ITGB5: variants seen among roughly 807,000 people sequenced by gnomAD.
The protein encoded by ITGB5 is integrin subunit beta 5.
ITGB5 carries 38 observed loss-of-function variants against 84.8 expected under a neutral mutation model. That is an observed-to-expected ratio of 0.45 (90% CI 0.35 to 0.59). The LOEUF (loss-of-function observed/expected upper bound fraction) is 0.59. Ranked by LOEUF, ITGB5 falls within the 20% of genes least tolerant of loss-of-function variation. The probability of loss-of-function intolerance (pLI) is 0.01; values close to 1 mark genes in which losing one functional copy is unlikely to be tolerated. For synonymous variants in ITGB5, 393 were observed against 414.4 expected, an observed-to-expected ratio of 0.95 and a Z score of 0.63; for missense variants, 905 against 1,034.5, an observed-to-expected ratio of 0.87 and a Z score of 1.72.
intron 5 of ITGB5, among the ~76,000 whole-genome samples, chr3:124,829,994 A>C (rs1460320087): frequency 6.6e-6 from 1 of 152,220 alleles, no homozygotes; most frequent in Non-Finnish European, 1.5e-5. Context: ...TGAGAAAATT[A>C]ACAAAAATGG....
At position 124,796,687 on chromosome 3, in the gene ITGB5, C is replaced by T. The variant is rs1237434635; in HGVS notation, c.1394G>A (p.Cys465Tyr). ...GCTGTTGGGTTCCAGCCCCACGCTG[C>T]AGCCGCACGTGCAGTTGTAGGTGAC... ...VGVTYNCTCG[C>Y]SVGLEPNSAR... is the part of the protein sequence containing the mutation. The change falls in exon 10 of 15, where the codon TGC becomes TAC. Residue 465 changes from cysteine (C) to tyrosine (Y), a missense_variant. Cys to Tyr is a radical substitution (Grantham distance 194). Coordinates refer to ENST00000296181, the MANE Select transcript of ITGB5 (RefSeq NM_002213.5). The T allele has an allele frequency of 6.2e-7, 1 of 1,614,082 alleles. No homozygotes were observed. The highest frequency in any genetic ancestry group is 8.5e-7 in the Non-Finnish European group (1 of 1,180,030).
chr3:124,876,839 G>C (rs575462745), intron 1 of ITGB5, among the ~76,000 whole-genome samples: 6 of 152,186 alleles, frequency 3.9e-5, no homozygotes, highest in Non-Finnish European at 7.3e-5. Context: ...AAATGTGGAC[G>C]AAGAAGGTCT....
At chr3:124,811,971 T>TA (rs1288354393) in intron 8 of ITGB5, among the ~76,000 whole-genome samples, 1 of 151,920 alleles carries the variant, frequency 6.6e-6, no homozygotes, top group Non-Finnish European at 1.5e-5. Context: ...ACAGATAAGG[T>TA]AAAAAACAAA....
chr3:124,819,278 A>G (rs2064660180), intron 7 of ITGB5, among the ~76,000 whole-genome samples: 2 of 152,188 alleles, frequency 1.3e-5, no homozygotes, highest in Non-Finnish European at 2.9e-5. Context: ...GTATTCACTC[A>G]GGACATTTAT....
chr3:124,894,907 T>C (rs952140601), intron 1 of ITGB5, among the ~76,000 whole-genome samples: 1 of 151,978 alleles, frequency 6.6e-6, no homozygotes, highest in South Asian at 2.1e-4. Flanking sequence ...ATACGAACGA[T>C]AGCTGATGAG....
At chr3:124,855,444 T>C (rs573091089) in intron 3 of ITGB5, among the ~76,000 whole-genome samples, 1 of 152,304 alleles carries the variant, frequency 6.6e-6, no homozygotes, top group Non-Finnish European at 1.5e-5. Flanking sequence ...CCACATACCA[T>C]TTTTCTCTCC....
intron 2 of ITGB5, among the ~76,000 whole-genome samples, chr3:124,864,025 A>G (rs1278305856): frequency 1.5e-5 from 2 of 135,064 alleles, no homozygotes; most frequent in Admixed American, 7.8e-5. Flanking sequence ...AAGAAAGAAG[A>G]AAGAAAGAAA....
intron 10 of ITGB5, among the ~76,000 whole-genome samples, chr3:124,790,599 T>C (rs957323088): frequency 2.0e-5 from 3 of 152,246 alleles, no homozygotes; most frequent in African/African-American, 4.8e-5. Context: ...GACAGGGTTA[T>C]CAGAACTTTG....
chr3:124,876,881 C>G (rs1448476611), intron 1 of ITGB5, among the ~76,000 whole-genome samples: 1 of 152,218 alleles, frequency 6.6e-6, no homozygotes, highest in Non-Finnish European at 1.5e-5. Flanking sequence ...GCTGGACCTG[C>G]CTGTGTATGT....
At position 124,762,219 on chromosome 3, in the gene ITGB5, G is replaced by A. The variant is rs2063706442; in HGVS notation, c.*1404C>T. ...AATGAAGTAAGGGGAATTGGGTCCAGAGCTGAGGACAGATCCATTTGGAAT... is the reference window on the plus strand; with the variant it reads ...AATGAAGTAAGGGGAATTGGGTCCAAAGCTGAGGACAGATCCATTTGGAAT... On this transcript the variant is annotated 3_prime_UTR_variant, in exon 15 of 15. Coordinates refer to ENST00000296181, the MANE Select transcript of ITGB5 (RefSeq NM_002213.5). The A allele has an allele frequency of 6.6e-6, 1 of 152,206 alleles. No individual in the cohort carries two copies. The highest frequency in any genetic ancestry group is 2.4e-5 in the African/African-American group (1 of 41,448). 9.4% of individuals were successfully genotyped at this position (152,206 alleles called of 1,614,324 possible).
intron 2 of ITGB5, chr3:124,862,950 C>A (rs2107623298): frequency 6.6e-6 from 1 of 152,272 alleles, no homozygotes; most frequent in East Asian, 1.9e-4. Context: ...AAGCACAGAC[C>A]AAGTCAGCAA....
intron 4 of ITGB5, among the ~76,000 whole-genome samples, chr3:124,846,934 CA>C (rs914831603): frequency 6.0e-5 from 9 of 150,360 alleles, no homozygotes; most frequent in East Asian, 1.9e-4. Flanking sequence ...GACTCCGTCT[CA>C]AAAAAAAATG....
chr3:124,857,246 T>C (rs542130680), intron 3 of ITGB5: 38 of 152,334 alleles, frequency 2.5e-4, no homozygotes, highest in Non-Finnish European at 4.6e-4. Context: ...TGCAGCACTG[T>C]GTTAATCCAT....
intron 2 of ITGB5, among the ~76,000 whole-genome samples, chr3:124,866,961 G>T (rs1290924835): frequency 6.6e-6 from 1 of 152,194 alleles, no homozygotes; most frequent in African/African-American, 2.4e-5. Flanking sequence ...CTGACCACAA[G>T]GAGATGTTCT....
Position 124,819,672 on chromosome 3 carries a change from A to AGTT in ITGB5, c.1038+64_1038+66dup, listed in dbSNP as rs1181095988. 3 of 1,099,016 alleles carry AGTT rather than the reference A, an allele frequency of 2.7e-6. No homozygotes were observed. The African/African-American group carries it at 4.6e-5, about 17-fold the overall frequency. 68.1% of individuals were successfully genotyped at this position (1,099,016 alleles called of 1,614,324 possible). A position where few individuals can be genotyped will look rare whatever the true frequency, so the allele number is the denominator to read the frequency against. ...CTTTGAATTTCCCCCAGATAGGCAGAGTTGTAAACACTCCTCACCACCCAC... is the reference window on the plus strand; with the variant it reads ...CTTTGAATTTCCCCCAGATAGGCAGAGTTGTTGTAAACACTCCTCACCACCCAC... On this transcript the variant is annotated intron_variant, in intron 7 of 14. Transcript: ENST00000296181.
At chr3:124,802,914 C>A (rs1290596474) in intron 9 of ITGB5, among the ~76,000 whole-genome samples, 1 of 151,844 alleles carries the variant, frequency 6.6e-6, no homozygotes, top group Non-Finnish European at 1.5e-5. Context: ...GACAGCAAGA[C>A]AACAACACTG....
chr3:124,887,605 G>C (rs1934889095), upstream of ITGB5: 1 of 393,758 alleles, frequency 2.5e-6, no homozygotes, highest in Non-Finnish European at 5.3e-6. Flanking sequence ...CTCACTTGGG[G>C]CGTGGGGGGC....
chr3:124,867,914 GTAA>G (rs1229212724), intron 2 of ITGB5, among the ~76,000 whole-genome samples: 1 of 152,182 alleles, frequency 6.6e-6, no homozygotes, highest in Non-Finnish European at 1.5e-5. Flanking sequence ...ATGTTGAATT[GTAA>G]TCCCTATAAT....
At chr3:124,888,350 G>C (rs1322254596), upstream of ITGB5, among the ~76,000 whole-genome samples, 2 of 152,126 alleles carry the variant, frequency 1.3e-5, no homozygotes, top group Non-Finnish European at 2.9e-5. Flanking sequence ...ATATGCTCAG[G>C]CTTTCATCTT....
Sources: gnomAD v4.1 joint callset for allele counts (sites outside exome capture counted in the v4.1 genomes callset) on GRCh38, gnomAD v4.1.1 for gene constraint, MANE v1.5 for transcripts, NCBI Gene and HGNC (gene_info 2026-07-23, HGNC 2026-07-21) for gene names.